ZNF362: variants seen among roughly 807,000 people sequenced by gnomAD.
ZNF362 encodes the protein zinc finger protein 362, also known as rotund homolog.
Under a neutral mutation model 42.9 loss-of-function variants are expected in ZNF362, and 11 were observed. The ratio of observed to expected loss-of-function variants is 0.26; its 90% CI spans 0.16 to 0.42. The LOEUF (loss-of-function observed/expected upper bound fraction) is 0.42. Among genes scored for constraint, ZNF362 ranks in the 20% least tolerant of loss-of-function variants. The pLI is 1.00. For missense variants in ZNF362, 362 were observed against 576.2 expected, an observed-to-expected ratio of 0.63 and a Z score of 3.81; for synonymous variants, 255 against 257.3, an observed-to-expected ratio of 0.99 and a Z score of 0.09.
chr1:33,275,221 G>A, intron 2 of ZNF362: 1 of 985,410 alleles, frequency 1.0e-6, no homozygotes, highest in Non-Finnish European at 1.2e-6. Flanking sequence ...TAGGGTAGCA[G>A]GAAGACAAAC....
At chr1:33,295,353 TTC>T in intron 8 of ZNF362, 48 bp downstream of exon 8, 1 of 1,594,224 alleles carries the variant, frequency 6.3e-7, no homozygotes, top group Non-Finnish European at 8.6e-7. Flanking sequence ...CCACTTCGTC[TTC>T]CAGGCCTCAG....
rs551197216 is a variant in ZNF362, at chr1:33,256,826, A to AGCGGCG, written c.-89+187_-89+192dup. ...CGCCTGCGCCTCGGGCCCGGCCCAG[A>AGCGGCG]GCGGCGGCGGCGGCGGCGGCAGCGG... is the stretch of plus-strand genomic sequence containing the variant. On this transcript the variant is annotated intron_variant, in intron 1 of 8. Coordinates refer to ENST00000539719, the MANE Select transcript of ZNF362 (RefSeq NM_152493.3). Among the ~76,000 whole-genome samples the AGCGGCG allele has an allele frequency of 2.9e-3, 419 of 144,198 alleles. 3 individuals are homozygous for AGCGGCG. The highest frequency in any genetic ancestry group is 0.014 in the Middle Eastern group (4 of 280). 94.6% of individuals were successfully genotyped at this position (144,198 alleles called of 152,430 possible).
the ZNF362 span, among the ~76,000 whole-genome samples, chr1:33,237,510 C>T: frequency 6.6e-6 from 1 of 152,280 alleles, no homozygotes; most frequent in Non-Finnish European, 1.5e-5. Context: ...GGCTCTACTA[C>T]CAGAAAGGAA....
At chr1:33,269,029 C>T (rs779220429) in intron 1 of ZNF362, among the ~76,000 whole-genome samples, 16 of 152,128 alleles carry the variant, frequency 1.1e-4, no homozygotes, top group African/African-American at 3.9e-4. Context: ...CTTCTCTCCC[C>T]ACCCTGTAGG....
intron 6 of ZNF362, among the ~76,000 whole-genome samples, chr1:33,287,419 G>C (rs1394315377): frequency 1.3e-5 from 2 of 152,244 alleles, no homozygotes; most frequent in African/African-American, 4.8e-5. Flanking sequence ...CCAGGAGGTA[G>C]AGGCTGCAGT....
chr1:33,147,634 G>A, the ZNF362 span: 5 of 1,614,004 alleles, frequency 3.1e-6, no homozygotes, highest in South Asian at 4.4e-5. The surrounding 1 kb of genome is among the most constrained non-coding windows in gnomAD (Gnocchi z 8.1). Flanking sequence ...CAGTGGCTGT[G>A]GGTGCAAGTT....
At chr1:33,218,864 T>G in the ZNF362 span, among the ~76,000 whole-genome samples, 1 of 150,958 alleles carries the variant, frequency 6.6e-6, no homozygotes, top group African/African-American at 2.4e-5. Context: ...CTCTGGTCAG[T>G]GGAGGGCAGC....
At chr1:33,283,750 G>A (rs933699008) in intron 6 of ZNF362, among the ~76,000 whole-genome samples, 16 of 152,176 alleles carry the variant, frequency 1.1e-4, no homozygotes, top group African/African-American at 2.9e-4. Flanking sequence ...AATGGCAGCA[G>A]GGCCAGGTGT....
the ZNF362 span, among the ~76,000 whole-genome samples, chr1:33,223,893 C>CAAAAAAAAAAAAAAAAAAAAAA: frequency 1.2e-5 from 1 of 85,440 alleles, no homozygotes; most frequent in South Asian, 3.3e-4. Context: ...AACTCCATCT[C>CAAAAAAAAAAAAAAAAAAAAAA]AAAAAAAAAA....
the ZNF362 span, among the ~76,000 whole-genome samples, chr1:33,174,980 C>T: frequency 3.8e-4 from 43 of 113,644 alleles, no homozygotes; most frequent in African/African-American, 1.5e-3. Context: ...CACACATATA[C>T]ATATATATGC....
At chr1:33,206,771 A>C in the ZNF362 span, among the ~76,000 whole-genome samples, 1 of 152,232 alleles carries the variant, frequency 6.6e-6, no homozygotes, top group Non-Finnish European at 1.5e-5. Context: ...CAAAATGGGC[A>C]AAAAACTTTC....
At chr1:33,148,223 C>G in the ZNF362 span, among the ~76,000 whole-genome samples, 5 of 152,184 alleles carry the variant, frequency 3.3e-5, no homozygotes, top group Non-Finnish European at 7.3e-5. Context: ...CTGCCCCACA[C>G]CTTCCCCGAC....
At chr1:33,188,851 T>C in the ZNF362 span, among the ~76,000 whole-genome samples, 1,262 of 152,342 alleles carry the variant, frequency 8.3e-3, 10 homozygotes, top group Middle Eastern at 0.02. Flanking sequence ...CAGCACCTTC[T>C]CTGCGATGGA....
At chr1:33,274,822 C>T (rs766249848) in intron 2 of ZNF362, 1 of 500,592 alleles carries the variant, frequency 2.0e-6, no homozygotes, top group Non-Finnish European at 2.6e-6. Context: ...CCTCCTTCCC[C>T]TCTCTCTGAG....
the ZNF362 span, among the ~76,000 whole-genome samples, chr1:33,140,141 T>C: frequency 6.6e-6 from 1 of 152,016 alleles, no homozygotes; most frequent in Admixed American, 6.6e-5. The surrounding 1 kb of genome is among the most constrained non-coding windows in gnomAD (Gnocchi z 4.0). Context: ...ATGGACAAAC[T>C]CCAGGAAGCT....
rs762297152 is a variant in ZNF362 at position 33,294,392 on chromosome 1, G to A, written c.909-545G>A. Reference sequence around the variant, plus strand: ...CTCTCAGGAAGGACACAGAGGGGCTGAGCTTCAGGGCCATGCTGTCCCACA... The same window carrying A: ...CTCTCAGGAAGGACACAGAGGGGCTAAGCTTCAGGGCCATGCTGTCCCACA... On this transcript the variant is annotated intron_variant, in intron 6 of 8. Transcript: ENST00000539719. The surrounding 1 kb of genome is among the most constrained non-coding windows in gnomAD (Gnocchi z 4.2). 2.6e-5 allele frequency among the ~76,000 whole-genome samples: 4 copies of A among 152,198 alleles called. No individual in the cohort carries two copies. The highest frequency in any genetic ancestry group is 7.2e-5 in the African/African-American group (3 of 41,454).
At chr1:33,258,641 T>G (rs1441840401) in intron 1 of ZNF362, among the ~76,000 whole-genome samples, 1 of 152,140 alleles carries the variant, frequency 6.6e-6, no homozygotes, top group East Asian at 1.9e-4. Flanking sequence ...CCCTCCACTG[T>G]TCTCCATGAC....
chr1:33,261,221 A>G (rs2148063354), intron 1 of ZNF362: 1 of 152,236 alleles, frequency 6.6e-6, no homozygotes, highest in African/African-American at 2.4e-5. Context: ...ACCTTTGTCA[A>G]AAGGGCCTCT....
chr1:33,136,298 CTTTT>C, the ZNF362 span, among the ~76,000 whole-genome samples: 7 of 135,728 alleles, frequency 5.2e-5, no homozygotes, highest in African/African-American at 1.8e-4. Context: ...TCCTTTCTTT[CTTTT>C]TCTTTCTTTC....
Sources: allele counts gnomAD v4.1 joint callset (sites outside exome capture counted in the v4.1 genomes callset), GRCh38; gene constraint gnomAD v4.1.1; non-coding constraint Gnocchi (gnomAD v3.1); transcripts MANE v1.5; gene names NCBI Gene and HGNC (gene_info 2026-07-23, HGNC 2026-07-21).